Variants in R3HDM4 observed in about 807,000 individuals in gnomAD.
The protein encoded by R3HDM4 is R3H domain containing 4.
A neutral mutation model predicts 31.3 loss-of-function variants in R3HDM4; 30 were observed. The ratio of observed to expected loss-of-function variants is 0.96; its 90% confidence interval spans 0.72 to 1.30. The LOEUF is 1.30. R3HDM4 is among the 50% of genes most tolerant of loss of function. R3HDM4 has a pLI of 0.00. For synonymous variants in R3HDM4, 196 were observed against 156.6 expected, an observed-to-expected ratio of 1.25 and a Z score of -1.88; for missense variants, 444 against 366.1, an observed-to-expected ratio of 1.21 and a Z score of -1.74.
At chr19:897,777 A>T (rs1038149694) in intron 7 of R3HDM4, among the ~76,000 whole-genome samples, 2 of 152,144 alleles carry the variant, frequency 1.3e-5, no homozygotes, top group Admixed American at 1.3e-4. Flanking sequence ...CCCCGCTGGC[A>T]CTCATTCCAC....
intron 7 of R3HDM4, among the ~76,000 whole-genome samples, chr19:897,792 C>G (rs185044780): frequency 6.6e-6 from 1 of 152,230 alleles, no homozygotes; most frequent in Non-Finnish European, 1.5e-5. Context: ...TTCCACTGTG[C>G]GGATGGGGAC....
At chr19:911,828 G>A (rs2036974535) in intron 1 of R3HDM4, among the ~76,000 whole-genome samples, 2 of 152,058 alleles carry the variant, frequency 1.3e-5, no homozygotes, top group African/African-American at 2.4e-5. Flanking sequence ...GCTCCTGCTT[G>A]CCAGGTTTTA....
intron 1 of R3HDM4, among the ~76,000 whole-genome samples, chr19:911,087 C>T (rs1225961032): frequency 6.6e-6 from 1 of 151,868 alleles, no homozygotes; most frequent in Non-Finnish European, 1.5e-5. Flanking sequence ...CCCCACTGCA[C>T]TCCAGCCTGG....
At chr19:905,911 C>T (rs2036898036) in intron 1 of R3HDM4, among the ~76,000 whole-genome samples, 1 of 152,180 alleles carries the variant, frequency 6.6e-6, no homozygotes, top group South Asian at 2.1e-4. Context: ...ACTCAATGGC[C>T]CAGGCAAGCC....
rs768170533 is a variant in R3HDM4, at chr19:902,129, G to A, written c.73C>T (p.Pro25Ser). The A allele has an allele frequency of 1.2e-6, 2 of 1,612,522 alleles. No individual in the cohort carries two copies. Among genetic ancestry groups the A allele is most frequent in the African/African-American group, 2.7e-5 (2 of 74,930 alleles). Residue 25 changes from proline to serine, a missense_variant and splice_region_variant, in exon 2 of 8, where the codon CCC becomes TCC. Transcript: ENST00000361574. Reference protein sequence around the residue: ...EGTPGGRRLLPLPSCLPALAS... With the variant: ...EGTPGGRRLLSLPSCLPALAS... ...AGGGCAGGCAGGCAGCTGGGAAGGG[G>A]CCTGTGGGCCGGGGCAGGGGTGGTC...
intron 1 of R3HDM4, among the ~76,000 whole-genome samples, chr19:910,621 A>G (rs1175054809): frequency 6.6e-6 from 1 of 151,812 alleles, no homozygotes; most frequent in South Asian, 2.1e-4. Context: ...AACAAAAACA[A>G]AAACAAAAAA....
intron 1 of R3HDM4, 191 bp from the exon 2 acceptor site, chr19:902,321 G>A: frequency 1.6e-6 from 1 of 623,250 alleles, no homozygotes; most frequent in Non-Finnish European, 2.8e-6. Flanking sequence ...ATACAATTGT[G>A]AAGACGGGCT....
rs73918215 is a variant in R3HDM4, at chr19:901,653, G to A, written c.227-107C>T. The A allele has an allele frequency of 5.6e-4, 773 of 1,381,054 alleles. 4 individuals carry two copies. In the African/African-American group the frequency reaches 9.4e-3, roughly 17 times the overall value. The allele number at this position is 1,381,054 out of a possible 1,614,324, so 85.5% of individuals were successfully genotyped here. A position where few individuals can be genotyped will look rare whatever the true frequency, so the allele number is the denominator to read the frequency against. On this transcript the variant is annotated intron_variant, in intron 2 of 7. Coordinates refer to ENST00000361574, the MANE Select transcript of R3HDM4 (RefSeq NM_138774.4). ...CTCCTTTTTTATCATCTCAACCTCC[G>A]CACCTCCATGCTCCAACTGTCTTCC...
intron 1 of R3HDM4, among the ~76,000 whole-genome samples, chr19:904,028 A>G (rs1229273204): frequency 3.3e-5 from 5 of 152,176 alleles, no homozygotes; most frequent in South Asian, 4.1e-4. Context: ...TCCAGCCTGG[A>G]CGACAGAGCG....
In R3HDM4 at chr19:899,543, TGTCCGCCCACCTGGCCGCAGCCTCGGAGG is replaced by T. The variant is rs1433708296; in HGVS notation, c.647+29_648-49del. On this transcript the variant is annotated intron_variant, in intron 6 of 7. Transcript: ENST00000361574. The surrounding 1 kb of genome is among the most constrained non-coding windows in gnomAD (Gnocchi z 6.8). ...GCCGTGCAGGGGCTGCAGCGTGGGG[TGTCCGCCCACCTGGCCGCAGCCTCGGAGG>T]GTCCGCTCGCCTGGCCGCCCCCCCT... The T allele has an allele frequency of 5.6e-6, 9 of 1,611,878 alleles. No individual in the cohort carries two copies. In the Admixed American group the frequency reaches 1.3e-4, roughly 24 times the overall value.
chr19:904,007 T>C (rs1275519627), intron 1 of R3HDM4, among the ~76,000 whole-genome samples: 3 of 151,654 alleles, frequency 2.0e-5, no homozygotes, highest in Admixed American at 6.6e-5. Flanking sequence ...GCCGAGATCG[T>C]GCCACTGCGC....
chr19:900,128 G>A lies in R3HDM4; in HGVS notation c.494C>T (p.Pro165Leu), dbSNP rs1249379686. Residue 165 changes from proline (P) to leucine (L), a missense_variant, in exon 5 of 8, where the codon CCC becomes CTC. Pro to Leu is a moderately conservative substitution (Grantham distance 98). Transcript: ENST00000361574. Reference protein sequence around the residue: ...DRRREDPAYTPRECFQRISRR... With the variant: ...DRRREDPAYTLRECFQRISRR... Reference sequence around the variant, plus strand: ...GCTGATGCGCTGGAAGCACTCGCGGGGTGTATAGGCGGGGTCCTCTGCAGG... The same window carrying A: ...GCTGATGCGCTGGAAGCACTCGCGGAGTGTATAGGCGGGGTCCTCTGCAGG... 3 of 1,597,360 alleles carry A rather than the reference G, an allele frequency of 1.9e-6. No individual in the cohort carries two copies. The highest frequency in any genetic ancestry group is 2.6e-6 in the Non-Finnish European group (3 of 1,172,532).
In R3HDM4 at chr19:901,532, T is replaced by A. The variant is rs1407041630; in HGVS notation, c.241A>T (p.Thr81Ser). 3.7e-6 allele frequency: 6 copies of A among 1,606,200 alleles called. No individual in the cohort carries two copies. In the South Asian group the frequency reaches 4.4e-5, roughly 12 times the overall value. The change falls in exon 3 of 8, where the codon ACC (threonine) becomes TCC (serine). Residue 81 changes from threonine (T) to serine (S), a missense_variant. Physicochemically the swap from Thr to Ser is moderately conservative, Grantham distance 58. Coordinates refer to ENST00000361574, the MANE Select transcript of R3HDM4 (RefSeq NM_138774.4). ...QRLENTQYLL[T>S]LLETDGGLPG... ...AGGCCCCCGTCTGTCTCCAGCAGGG[T>A]CAGGAGGTACTGGGCTAGGTGGAAA... is the stretch of plus-strand genomic sequence containing the variant.
intron 7 of R3HDM4, 144 bp from the exon 8 acceptor site, chr19:897,684 C>A: frequency 1.6e-6 from 1 of 644,614 alleles, no homozygotes; most frequent in Non-Finnish European, 2.7e-6. Flanking sequence ...CCTGGCTGGC[C>A]CTAAGCCCGC....
chr19:900,313 C>T (rs1166788994), intron 4 of R3HDM4, among the ~76,000 whole-genome samples, 167 bp from the exon 5 acceptor site: 1 of 151,946 alleles, frequency 6.6e-6, no homozygotes, highest in East Asian at 1.9e-4. Context: ...GCCAGCAGAC[C>T]CTACCCCCAC....
chr19:911,729 T>TC (rs530931012), intron 1 of R3HDM4, among the ~76,000 whole-genome samples: 1 of 151,938 alleles, frequency 6.6e-6, no homozygotes, highest in South Asian at 2.1e-4. Context: ...GCACCCTGGG[T>TC]CCCCGGGTCC....
chr19:901,009 C>T (rs1228041455), intron 3 of R3HDM4, 57 bp from the exon 4 acceptor site: 18 of 1,503,720 alleles, frequency 1.2e-5, no homozygotes, highest in Non-Finnish European at 1.6e-5. Context: ...GCGCTGACAT[C>T]CCCGGGCAAA....
In R3HDM4 at chr19:900,102, G is replaced by A. The variant is rs747079024; in HGVS notation, c.520C>T (p.Arg174Trp). 6.8e-6 allele frequency: 11 copies of A among 1,607,376 alleles called. No homozygotes were observed. Among genetic ancestry groups the A allele is most frequent in the Middle Eastern group, 1.7e-4 (1 of 5,890 alleles). Residue 174 changes from arginine to tryptophan, a missense_variant, in exon 5 of 8, where the codon CGG becomes TGG. Transcript: ENST00000361574. ...TPRECFQRIS[R>W]RLRAVLKRSR... is the part of the protein sequence containing the mutation. ...CGCTTGAGGACGGCTCGCAGACGCC[G>A]GCTGATGCGCTGGAAGCACTCGCGG... is the stretch of plus-strand genomic sequence containing the variant.
At chr19:906,440 G>C (rs1341274228) in intron 1 of R3HDM4, among the ~76,000 whole-genome samples, 1 of 152,110 alleles carries the variant, frequency 6.6e-6, no homozygotes, top group East Asian at 1.9e-4. Context: ...GAATGGTCTG[G>C]ATCTCCTGAC....
Sources: allele counts gnomAD v4.1 joint callset (sites outside exome capture counted in the v4.1 genomes callset), GRCh38; gene constraint gnomAD v4.1.1; non-coding constraint Gnocchi (gnomAD v3.1); transcripts MANE v1.5; gene names NCBI Gene and HGNC (gene_info 2026-07-23, HGNC 2026-07-21).